RCAN1: variants seen among roughly 807,000 people sequenced by gnomAD.
The protein encoded by RCAN1 is calcipressin-1.
In RCAN1, 11 loss-of-function variants were observed where a neutral mutation model predicts 22.9. That is an observed-to-expected ratio of 0.48 (90% CI 0.30 to 0.79). The LOEUF (loss-of-function observed/expected upper bound fraction) is 0.79, where lower values mean the gene tolerates loss of function less well. Ranked by LOEUF, RCAN1 falls within the 30% of genes least tolerant of loss-of-function variation. The pLI is 0.06. For missense variants in RCAN1, 291 were observed against 337.8 expected (o/e 0.86, Z 1.09); for synonymous variants, 136 against 142.3 (o/e 0.96, Z 0.32).
At chr21:34,598,645 G>A (rs1489111464) in intron 1 of RCAN1, among the ~76,000 whole-genome samples, 1 of 152,166 alleles carries the variant, frequency 6.6e-6, no homozygotes, top group Non-Finnish European at 1.5e-5. Context: ...CAGGAGAAAG[G>A]AAGGCAAAAT....
At chr21:34,526,969 AAAGTGT>A (rs1985104842) in intron 1 of RCAN1, 1 of 1,354,528 alleles carries the variant, frequency 7.4e-7, no homozygotes, top group East Asian at 3.1e-5. Flanking sequence ...AGACAGGGAC[AAAGTGT>A]AAGTTTCTAC....
At chr21:34,537,114 A>G (rs976454912) in intron 1 of RCAN1, among the ~76,000 whole-genome samples, 2 of 152,244 alleles carry the variant, frequency 1.3e-5, no homozygotes, top group Non-Finnish European at 2.9e-5. Flanking sequence ...AAGGTCACCA[A>G]TGATTCAAAA....
intron 1 of RCAN1, among the ~76,000 whole-genome samples, chr21:34,603,747 G>T (rs1988437082): frequency 6.6e-6 from 1 of 152,184 alleles, no homozygotes; most frequent in Non-Finnish European, 1.5e-5. Flanking sequence ...ATCTTAGAAG[G>T]CTGTAAGAAG....
chr21:34,554,389 C>T (rs1259056993), intron 1 of RCAN1, among the ~76,000 whole-genome samples: 1 of 152,142 alleles, frequency 6.6e-6, no homozygotes, highest in Non-Finnish European at 1.5e-5. Flanking sequence ...AAGTGTGGTG[C>T]TGAAACCACA....
intron 1 of RCAN1, among the ~76,000 whole-genome samples, chr21:34,556,262 C>G (rs1986568488): frequency 1.3e-5 from 2 of 149,926 alleles, no homozygotes; most frequent in African/African-American, 4.9e-5. Context: ...TCAATCTCTA[C>G]AAAAAATAGA....
chr21:34,594,041 A>T (rs1401697537), intron 1 of RCAN1, among the ~76,000 whole-genome samples: 1 of 152,206 alleles, frequency 6.6e-6, no homozygotes, highest in Admixed American at 6.5e-5. Flanking sequence ...CAGAAAGGGG[A>T]CAAAAATGTT....
At chr21:34,606,283 C>T (rs1362830363) in intron 1 of RCAN1, among the ~76,000 whole-genome samples, 3 of 152,160 alleles carry the variant, frequency 2.0e-5, no homozygotes, top group Non-Finnish European at 4.4e-5. Flanking sequence ...TTCCTTCCAG[C>T]CTCTGCCGCT....
chr21:34,607,396 CT>C (rs577088520), intron 1 of RCAN1, among the ~76,000 whole-genome samples: 78 of 146,180 alleles, frequency 5.3e-4, no homozygotes, highest in South Asian at 4.3e-4. Context: ...GATTTGCTCC[CT>C]TTTTTTTTTT....
At chr21:34,542,118 T>G (rs1028674249) in intron 1 of RCAN1, among the ~76,000 whole-genome samples, 1 of 151,920 alleles carries the variant, frequency 6.6e-6, no homozygotes, top group African/African-American at 2.4e-5. Flanking sequence ...ATGTGTGGTG[T>G]GGTGGGATGT....
At chr21:34,565,058 C>A (rs1327749987) in intron 1 of RCAN1, among the ~76,000 whole-genome samples, 1 of 151,952 alleles carries the variant, frequency 6.6e-6, no homozygotes. Context: ...AACAAACAAA[C>A]AAAACCAGTC....
chr21:34,539,546 T>C lies in RCAN1; in HGVS notation c.253-15836A>G, dbSNP rs573589461. On this transcript the variant is annotated intron_variant, in intron 1 of 3. Coordinates refer to ENST00000313806, the MANE Select transcript of RCAN1 (RefSeq NM_004414.7). ...CATGAATTTCCACAATGAACACTTA[T>C]TACTTTTATAATAACAAAAAAGCTT... is the stretch of plus-strand genomic sequence containing the variant. Among the ~76,000 whole-genome samples the C allele has an allele frequency of 1.1e-4, 16 of 152,362 alleles. No homozygotes were observed. The South Asian group carries it at 2.7e-3, about 26-fold the overall frequency.
At chr21:34,537,216 C>T (rs80341203) in intron 1 of RCAN1, among the ~76,000 whole-genome samples, 104 of 152,304 alleles carry the variant, frequency 6.8e-4, no homozygotes, top group African/African-American at 2.2e-3. Context: ...GAGAGAACAA[C>T]TGTGCCAACC....
At chr21:34,527,010 T>G in intron 1 of RCAN1, 1 of 1,250,218 alleles carries the variant, frequency 8.0e-7, no homozygotes, top group Non-Finnish European at 1.0e-6. Flanking sequence ...GTCAACACCT[T>G]AGTCATTTTC....
intron 1 of RCAN1, among the ~76,000 whole-genome samples, chr21:34,600,939 C>T (rs892255661): frequency 2.6e-5 from 4 of 152,224 alleles, no homozygotes; most frequent in African/African-American, 9.6e-5. Context: ...CACACATGCA[C>T]GTGTGTTCAC....
At chr21:34,578,164 G>A (rs1987476887) in intron 1 of RCAN1, among the ~76,000 whole-genome samples, 3 of 152,158 alleles carry the variant, frequency 2.0e-5, no homozygotes, top group Admixed American at 2.0e-4. Flanking sequence ...AGCAAGAGGT[G>A]CGTTAGGGAA....
intron 1 of RCAN1, chr21:34,559,149 G>A (rs1347714561): frequency 1.3e-5 from 2 of 152,222 alleles, no homozygotes; most frequent in Non-Finnish European, 2.9e-5. Context: ...GATGGATGTA[G>A]TCTACTTATT....
At chr21:34,551,172 A>G (rs1374624201) in intron 1 of RCAN1, among the ~76,000 whole-genome samples, 2 of 152,210 alleles carry the variant, frequency 1.3e-5, no homozygotes, top group Non-Finnish European at 2.9e-5. Context: ...CCGTGACGCT[A>G]AGGGAAAACA....
intron 1 of RCAN1, among the ~76,000 whole-genome samples, chr21:34,554,501 C>A (rs958991404): frequency 2.0e-5 from 3 of 152,110 alleles, no homozygotes; most frequent in Non-Finnish European, 2.9e-5. Flanking sequence ...ACTGAACACA[C>A]CTGAAGCCAG....
chr21:34,521,738 G>T, intron 2 of RCAN1, 80 bp from the exon 3 acceptor site: 2 of 1,213,742 alleles, frequency 1.6e-6, no homozygotes, highest in Non-Finnish European at 2.3e-6. Flanking sequence ...CGCCAGTTCC[G>T]GGAGATGGGC....
Sources: allele counts gnomAD v4.1 joint callset (sites outside exome capture counted in the v4.1 genomes callset), GRCh38; gene constraint gnomAD v4.1.1; transcripts MANE v1.5; gene names NCBI Gene and HGNC (gene_info 2026-07-23, HGNC 2026-07-21).